The following ROBO1 variants were observed in gnomAD, a reference collection of about 807,000 sequenced individuals.
ROBO1 encodes roundabout guidance receptor 1.
A neutral mutation model predicts 195.9 loss-of-function variants in ROBO1; 149 were observed. The observed-to-expected ratio is 0.76, with a 90% CI of 0.67 to 0.87. The LOEUF (loss-of-function observed/expected upper bound fraction) is 0.87, where lower values mean the gene tolerates loss of function less well. Among genes scored for constraint, ROBO1 ranks in the 40% least tolerant of loss-of-function variants. ROBO1 has a pLI of 0.00. For missense variants in ROBO1, 1,933 were observed against 2,068.3 expected, an observed-to-expected ratio of 0.93 and a Z score of 1.27; for synonymous variants, 816 against 733.2, an observed-to-expected ratio of 1.11 and a Z score of -1.82.
chr3:79,691,272 C>T (rs1449773168), intron 1 of ROBO1, among the ~76,000 whole-genome samples: 1 of 151,792 alleles, frequency 6.6e-6, no homozygotes, highest in East Asian at 1.9e-4. Flanking sequence ...TCCTCTGCCC[C>T]TTCCCAAAAT....
chr3:79,176,224 T>A (rs983328013), intron 2 of ROBO1, among the ~76,000 whole-genome samples: 1 of 152,172 alleles, frequency 6.6e-6, no homozygotes, highest in Non-Finnish European at 1.5e-5. Flanking sequence ...GCATTAGTGT[T>A]CCCTGATGTG....
intron 2 of ROBO1, among the ~76,000 whole-genome samples, chr3:79,211,257 T>C (rs2081961834): frequency 6.6e-6 from 1 of 152,270 alleles, no homozygotes; most frequent in African/African-American, 2.4e-5. Flanking sequence ...TGTCTGGTTG[T>C]TATTTTTCAA....
intron 2 of ROBO1, among the ~76,000 whole-genome samples, chr3:79,128,496 GAAAAGGATGT>G (rs982829714): frequency 6.6e-6 from 1 of 152,258 alleles, no homozygotes; most frequent in Non-Finnish European, 1.5e-5. Flanking sequence ...TGAAACAATT[GAAAAGGATGT>G]AAATTGTATT....
intron 8 of ROBO1, among the ~76,000 whole-genome samples, chr3:78,712,650 C>T (rs781475465): frequency 1.3e-5 from 2 of 152,074 alleles, no homozygotes; most frequent in Non-Finnish European, 2.9e-5. Context: ...ATAGAAAACA[C>T]AACGCAGTTG....
chr3:79,300,216 G>T (rs1175238782), intron 2 of ROBO1, among the ~76,000 whole-genome samples: 1 of 152,192 alleles, frequency 6.6e-6, no homozygotes, highest in Non-Finnish European at 1.5e-5. Flanking sequence ...GGGAGGTGTG[G>T]GGGGAGAGGC....
intron 2 of ROBO1, among the ~76,000 whole-genome samples, chr3:79,283,739 C>T (rs1255835987): frequency 6.6e-6 from 1 of 151,250 alleles, no homozygotes; most frequent in Admixed American, 6.6e-5. Context: ...GCTCTGTCGC[C>T]CAGGCTGGAG....
chr3:78,658,456 A>G (rs1280633632), intron 17 of ROBO1, among the ~76,000 whole-genome samples: 1 of 152,106 alleles, frequency 6.6e-6, no homozygotes, highest in Non-Finnish European at 1.5e-5. Context: ...ACACTCAGCT[A>G]ATTTTTGTAT....
chr3:79,101,177 G>A lies in ROBO1; in HGVS notation c.172+24279C>T, dbSNP rs143539713. Among the ~76,000 whole-genome samples the A allele has an allele frequency of 2.1e-3, 324 of 151,782 alleles. 2 individuals carry two copies. The highest frequency in any genetic ancestry group is 0.011 in the Admixed American group (164 of 15,180). On this transcript the variant is annotated intron_variant, in intron 3 of 30. Coordinates refer to ENST00000464233, the MANE Select transcript of ROBO1 (RefSeq NM_002941.4). Reference sequence around the variant, plus strand: ...TATAGCTACTCTGGCACCTGAGAACGCTTTGGAGAATTGAGATCAATACAG... The same window carrying A: ...TATAGCTACTCTGGCACCTGAGAACACTTTGGAGAATTGAGATCAATACAG...
chr3:79,285,456 T>C (rs77324909), intron 2 of ROBO1, among the ~76,000 whole-genome samples: 5,088 of 152,298 alleles, frequency 0.033, 254 homozygotes, highest in African/African-American at 0.11. Context: ...ATTTTAACCA[T>C]ACACTACTCA....
At chr3:78,610,317 A>T (rs1329009252) in intron 28 of ROBO1, among the ~76,000 whole-genome samples, 1 of 152,168 alleles carries the variant, frequency 6.6e-6, no homozygotes, top group Non-Finnish European at 1.5e-5. Context: ...GATGTTACTT[A>T]TTATTAAAGA....
At chr3:79,487,074 A>G (rs1939197811) in intron 2 of ROBO1, among the ~76,000 whole-genome samples, 1 of 152,090 alleles carries the variant, frequency 6.6e-6, no homozygotes, top group Non-Finnish European at 1.5e-5. Context: ...CACTCCTCTA[A>G]AAGTGTATTG....
intron 1 of ROBO1, among the ~76,000 whole-genome samples, chr3:79,610,512 A>G (rs1944625647): frequency 6.6e-6 from 1 of 151,998 alleles, no homozygotes; most frequent in African/African-American, 2.4e-5. Flanking sequence ...GAAATTTTAC[A>G]AAATATTGGA....
chr3:78,970,350 C>T (rs1576489125), intron 3 of ROBO1, among the ~76,000 whole-genome samples: 1 of 152,100 alleles, frequency 6.6e-6, no homozygotes, highest in East Asian at 1.9e-4. Flanking sequence ...TTGATGCTGG[C>T]TAAACAGACC....
intron 2 of ROBO1, among the ~76,000 whole-genome samples, chr3:79,341,812 C>T (rs560293271): frequency 4.6e-5 from 7 of 152,198 alleles, no homozygotes; most frequent in Admixed American, 2.0e-4. Context: ...AAAAGTTAAT[C>T]GGGAAAATAA....
Position 79,577,869 on chromosome 3 carries a change from G to A in ROBO1, c.88+11955C>T, listed in dbSNP as rs576673179. On this transcript the variant is annotated intron_variant, in intron 2 of 30. Transcript: ENST00000464233. The stretch of plus-strand genomic sequence containing the variant: ...AGAGGTTGCAGTGAGCGGAGAGCGC[G>A]CCACCGCCCTCCAGCCTGGAAGACA... Among the ~76,000 whole-genome samples, 497 of 151,794 alleles carry A rather than the reference G, an allele frequency of 3.3e-3. 2 individuals are homozygous for A. Among genetic ancestry groups the A allele is most frequent in the African/African-American group, 0.011 (443 of 41,394 alleles).
intron 1 of ROBO1, among the ~76,000 whole-genome samples, chr3:79,727,056 A>T (rs191688749): frequency 6.6e-6 from 1 of 152,336 alleles, no homozygotes; most frequent in East Asian, 1.9e-4. Context: ...CATGGGTAAC[A>T]TCCGTGTCTA....
chr3:78,817,799 A>C (rs1251530153), intron 4 of ROBO1, among the ~76,000 whole-genome samples: 1 of 152,220 alleles, frequency 6.6e-6, no homozygotes, highest in Non-Finnish European at 1.5e-5. Flanking sequence ...CAGAGTTTCA[A>C]TGGTCATAGT....
intron 3 of ROBO1, among the ~76,000 whole-genome samples, chr3:79,113,589 G>T (rs2079934016): frequency 6.6e-6 from 1 of 152,046 alleles, no homozygotes; most frequent in African/African-American, 2.4e-5. Context: ...CCAACATGGA[G>T]AAACCCTGTC....
intron 2 of ROBO1, among the ~76,000 whole-genome samples, chr3:79,335,411 G>A (rs2034624474): frequency 6.6e-6 from 1 of 152,124 alleles, no homozygotes; most frequent in East Asian, 1.9e-4. Context: ...ACCAGGTGGA[G>A]ATAATTGAAT....
Sources: gnomAD v4.1 joint callset for allele counts (sites outside exome capture counted in the v4.1 genomes callset) on GRCh38, gnomAD v4.1.1 for gene constraint, MANE v1.5 for transcripts, NCBI Gene and HGNC (gene_info 2026-07-23, HGNC 2026-07-21) for gene names.